The following USP50 variants were observed in gnomAD, a reference collection of about 807,000 sequenced individuals.
The protein encoded by USP50 is ubiquitin specific peptidase 50, also known as ubiquitin carboxyl-terminal hydrolase 50.
Under a neutral mutation model 39.2 loss-of-function variants are expected in USP50, and 37 were observed. That is an observed-to-expected ratio of 0.94 (90% CI 0.73 to 1.24). USP50 has a LOEUF of 1.24. Among genes scored for constraint, USP50 ranks in the 50% most tolerant of loss-of-function variants. The probability of loss-of-function intolerance (pLI) is 0.00; values close to 1 mark genes in which losing one functional copy is unlikely to be tolerated. For missense variants in USP50, 374 were observed against 398.2 expected (o/e 0.94, Z 0.52); for synonymous variants, 139 against 144.5 (o/e 0.96, Z 0.27).
intron 5 of USP50, among the ~76,000 whole-genome samples, chr15:50,533,086 G>A (rs756670902): frequency 4.0e-4 from 60 of 151,182 alleles, no homozygotes; most frequent in Admixed American, 1.4e-3. Context: ...TGGGAGAATC[G>A]CTTGAGCCCA....
chr15:50,529,718 G>C, intron 6 of USP50, 79 bp downstream of exon 6: 1 of 1,492,744 alleles, frequency 6.7e-7, no homozygotes, highest in Non-Finnish European at 9.0e-7. Flanking sequence ...GGGAGAGACA[G>C]GAGAAATAGG....
At chr15:50,506,984 A>T (rs1266420663) in intron 6 of USP50, 1 of 152,060 alleles carries the variant, frequency 6.6e-6, no homozygotes, top group Admixed American at 6.7e-5. Context: ...AAAAAAAAAA[A>T]AAAAAATCCA....
Position 50,525,614 on chromosome 15 carries a change from GTA to G in USP50, c.936+4181_936+4182del, listed in dbSNP as rs1184789747. On this transcript the variant is annotated intron_variant, in intron 6 of 6. Coordinates refer to ENST00000532404, the MANE Select transcript of USP50 (RefSeq NM_203494.5). The stretch of plus-strand genomic sequence containing the variant: ...TATGTATATATGTATATGTATATAT[GTA>G]TATATGTATATGTATATATGTATAT... 2.6e-4 allele frequency among the ~76,000 whole-genome samples: 35 copies of G among 134,186 alleles called. No individual in the cohort carries two copies. In the East Asian group the frequency reaches 5.9e-3, roughly 23 times the overall value. 88.0% of individuals were successfully genotyped at this position (134,186 alleles called of 152,430 possible).
intron 4 of USP50, among the ~76,000 whole-genome samples, chr15:50,539,256 G>A (rs376764433): frequency 3.3e-5 from 5 of 150,860 alleles, no homozygotes; most frequent in East Asian, 1.9e-4. Context: ...TTACAAGTGC[G>A]CACCACCAAG....
downstream of USP50, chr15:50,499,433 A>G (rs2052534829): frequency 5.9e-6 from 1 of 169,126 alleles, no homozygotes; most frequent in Admixed American, 6.1e-5. Flanking sequence ...ACATTTCTAA[A>G]TCCCATCTTG....
chr15:50,493,913 C>A (rs1484835558), downstream of USP50: 4 of 912,288 alleles, frequency 4.4e-6, no homozygotes, highest in East Asian at 2.5e-5. Flanking sequence ...AAGTCAGATT[C>A]AGATGAGAAT....
At chr15:50,499,900 A>C (rs903168858), downstream of USP50, 4 of 152,162 alleles carry the variant, frequency 2.6e-5, no homozygotes, top group African/African-American at 9.7e-5. Flanking sequence ...CAAGACTAGT[A>C]TTCTCACATA....
At chr15:50,529,981 T>C (rs62019151) in intron 5 of USP50, 52 bp from the exon 6 acceptor site, 309,084 of 1,604,470 alleles carry the variant, frequency 0.19, 31,768 homozygotes, top group Admixed American at 0.32. Context: ...GAACCACTCA[T>C]TTGTCTACAT....
chr15:50,546,572 C>T lies in USP50; in HGVS notation c.-47G>A. On this transcript the variant is annotated 5_prime_UTR_variant, in exon 1 of 7. Transcript: ENST00000532404. Reference sequence around the variant, plus strand: ...TTTTGCTTCTATTCAGGAGCTACATCTATTCCTTTCAACTTCATTTCTCTG... The same window carrying T: ...TTTTGCTTCTATTCAGGAGCTACATTTATTCCTTTCAACTTCATTTCTCTG... The T allele has an allele frequency of 1.2e-6, 2 of 1,602,650 alleles. No individual in the cohort carries two copies. The highest frequency in any genetic ancestry group is 1.7e-6 in the Non-Finnish European group (2 of 1,169,960).
chr15:50,542,496 T>C (rs1476880443), intron 3 of USP50, among the ~76,000 whole-genome samples: 1 of 147,220 alleles, frequency 6.8e-6, no homozygotes, highest in African/African-American at 2.5e-5. Context: ...TTTTTTTTTT[T>C]TTTTTTCTTG....
chr15:50,532,247 G>A, intron 5 of USP50: 1 of 456,222 alleles, frequency 2.2e-6, no homozygotes, highest in Non-Finnish European at 4.4e-6. Flanking sequence ...AGAAGGGAAA[G>A]AAACCATTCT....
chr15:50,521,626 A>G (rs2052851440), intron 6 of USP50, among the ~76,000 whole-genome samples: 1 of 152,170 alleles, frequency 6.6e-6, no homozygotes, highest in Admixed American at 6.6e-5. Flanking sequence ...GATAAACACA[A>G]TTGACAAACT....
chr15:50,501,364 C>T (rs1006218141), intron 6 of USP50: 5 of 150,658 alleles, frequency 3.3e-5, no homozygotes, highest in African/African-American at 1.2e-4. Context: ...GTCCCAGCTA[C>T]TTGGGAAGTT....
intron 3 of USP50, among the ~76,000 whole-genome samples, chr15:50,542,275 G>T (rs2053035421): frequency 6.6e-6 from 1 of 151,970 alleles, no homozygotes; most frequent in Non-Finnish European, 1.5e-5. Context: ...ATTTTTGCTT[G>T]CTCCTTTCAT....
At chr15:50,539,617 T>C (rs1183175193) in intron 4 of USP50, among the ~76,000 whole-genome samples, 1 of 151,842 alleles carries the variant, frequency 6.6e-6, no homozygotes, top group Non-Finnish European at 1.5e-5. Context: ...GGTTTCACCA[T>C]GTTGGCCGGG....
chr15:50,497,793 C>G (rs2052474943), downstream of USP50: 1 of 152,126 alleles, frequency 6.6e-6, no homozygotes, highest in African/African-American at 2.4e-5. Context: ...CCATGTAACT[C>G]AAGAACTTTG....
intron 1 of USP50, among the ~76,000 whole-genome samples, chr15:50,494,757 G>A (rs145562151): frequency 6.6e-6 from 1 of 152,170 alleles, no homozygotes; most frequent in Non-Finnish European, 1.5e-5. Flanking sequence ...GCTTATGCCT[G>A]TAATCCCAGT....
At chr15:50,493,125 A>G (rs778895443), downstream of USP50, 52 of 636,728 alleles carry the variant, frequency 8.2e-5, no homozygotes, top group Non-Finnish European at 6.3e-5. Context: ...GCATCCTCAC[A>G]GGGTAGAAGG....
At chr15:50,538,566 T>C in intron 5 of USP50, 143 bp downstream of exon 5, 1 of 937,924 alleles carries the variant, frequency 1.1e-6, no homozygotes, top group Admixed American at 3.4e-5. Context: ...CTGTATATAT[T>C]TTATCACAAT....
Sources: allele counts gnomAD v4.1 joint callset (sites outside exome capture counted in the v4.1 genomes callset), GRCh38; gene constraint gnomAD v4.1.1; transcripts MANE v1.5; gene names NCBI Gene and HGNC (gene_info 2026-07-23, HGNC 2026-07-21).